Variants in TSEN54 observed in about 807,000 individuals in gnomAD.
TSEN54 encodes tRNA-splicing endonuclease subunit Sen54.
In TSEN54, 55 loss-of-function variants were observed where a neutral mutation model predicts 61.9. The ratio of observed to expected loss-of-function variants is 0.89; its 90% CI spans 0.72 to 1.11. TSEN54 has a LOEUF of 1.11. TSEN54 is among the 50% of genes most tolerant of loss of function. The pLI is 0.00. For missense variants in TSEN54, 760 were observed against 687.7 expected, an observed-to-expected ratio of 1.11 and a Z score of -1.18; for synonymous variants, 304 against 288.7, an observed-to-expected ratio of 1.05 and a Z score of -0.54.
intron 5 of TSEN54, 26 bp downstream of exon 5, chr17:75,517,681 G>T: frequency 6.3e-7 from 1 of 1,584,338 alleles, no homozygotes; most frequent in South Asian, 1.1e-5. Flanking sequence ...CCGCCTCCGG[G>T]AGCCACCCAT....
At chr17:75,518,743 A>G (rs2147009210) in intron 5 of TSEN54, 2 of 985,394 alleles carry the variant, frequency 2.0e-6, no homozygotes, top group Non-Finnish European at 2.4e-6. Flanking sequence ...TTTCATGGCT[A>G]TCAGTTTTTT....
At chr17:75,518,496 C>G (rs1483395054) in intron 5 of TSEN54, 1 of 983,834 alleles carries the variant, frequency 1.0e-6, no homozygotes, top group Non-Finnish European at 1.2e-6. Flanking sequence ...CTAAAGCCTG[C>G]TGAGATCAAG....
chr17:75,523,926 C>T, intron 10 of TSEN54, 147 bp downstream of exon 10: 2 of 939,912 alleles, frequency 2.1e-6, no homozygotes, highest in Non-Finnish European at 3.4e-6. Context: ...TACACAAGGC[C>T]ACACAGCCAG....
Position 75,520,710 on chromosome 17 carries a change from C to T in TSEN54, c.522-699C>T, listed in dbSNP as rs1408650349. ...GTGGCTCACACCTGTAATCCCAGCA[C>T]TTTAGGAGGCCGAGGCAGGTGGATC... is the stretch of plus-strand genomic sequence containing the variant. On this transcript the variant is annotated intron_variant, in intron 6 of 10. Coordinates refer to ENST00000333213, the MANE Select transcript of TSEN54 (RefSeq NM_207346.3). 2.6e-5 allele frequency among the ~76,000 whole-genome samples: 4 copies of T among 152,024 alleles called. No homozygotes were observed. The South Asian group carries it at 8.3e-4, about 31-fold the overall frequency.
rs781098742 is a variant in TSEN54 at position 75,516,751 on chromosome 17, G to A, written c.62G>A (p.Arg21Gln). 6.4e-7 allele frequency: 1 copy of A among 1,566,968 alleles called. No individual in the cohort carries two copies. The highest frequency in any genetic ancestry group is 8.6e-7 in the Non-Finnish European group (1 of 1,164,990). The change falls in exon 2 of 11, where the codon CGG becomes CAG. Residue 21 changes from arginine (R) to glutamine (Q), a missense_variant. Coordinates refer to ENST00000333213, the MANE Select transcript of TSEN54 (RefSeq NM_207346.3). ...CGCGTCCCCTTCTCCCCCAGCGCCC[G>A]GGAGCTCTTCGCCGCCCGCTCGCGG... ...EVPAGRVLSA[R>Q]ELFAARSRSQ...
In TSEN54 at chr17:75,522,349, G is replaced by A. The variant is rs530855001; in HGVS notation, c.1252+16G>A. The A allele has an allele frequency of 7.8e-6, 12 of 1,543,878 alleles. No individual in the cohort carries two copies. In the African/African-American group the frequency reaches 1.1e-4, roughly 14 times the overall value. The stretch of plus-strand genomic sequence containing the variant: ...AGCTCCCCAGGTACCCCCTCAGCCT[G>A]CCACATCTTCGAGGGCCACTGGCAG... On this transcript the variant is annotated intron_variant, in intron 8 of 10. Transcript: ENST00000333213.
intron 5 of TSEN54, chr17:75,518,536 C>G (rs1416360215): frequency 7.1e-6 from 7 of 985,278 alleles, no homozygotes; most frequent in African/African-American, 1.7e-5. Flanking sequence ...ATCTATGTTC[C>G]TCTGATATGA....
chr17:75,518,986 T>C lies in TSEN54; in HGVS notation c.469-9T>C, dbSNP rs758389675. ...CATCTGAGCTTTCATTTTTTTTTTT[T>C]CTTTTGAGGTCTTCAGCCACCTGAA... On this transcript the variant is annotated splice_polypyrimidine_tract_variant and intron_variant, in intron 5 of 10. Transcript: ENST00000333213. 3 of 1,613,830 alleles carry C rather than the reference T, an allele frequency of 1.9e-6. No homozygotes were observed. The highest frequency in any genetic ancestry group is 1.1e-5 in the South Asian group (1 of 91,066).
chr17:75,519,061 C>G lies in TSEN54; in HGVS notation c.521+14C>G, dbSNP rs372450713. On this transcript the variant is annotated intron_variant, in intron 6 of 10. Transcript: ENST00000333213. Reference sequence around the variant, plus strand: ...ATTCCAACCAAGGTAAATCCCCTTCCTGTTCCCCTTCCATATATTCTAGTC... The same window carrying G: ...ATTCCAACCAAGGTAAATCCCCTTCGTGTTCCCCTTCCATATATTCTAGTC... 5.0e-6 allele frequency: 8 copies of G among 1,613,822 alleles called. No individual in the cohort carries two copies. The highest frequency in any genetic ancestry group is 2.7e-5 in the African/African-American group (2 of 74,858).
chr17:75,519,081 C>T (rs781178873), intron 6 of TSEN54, 34 bp downstream of exon 6: 1 of 1,612,412 alleles, frequency 6.2e-7, no homozygotes, highest in Non-Finnish European at 8.5e-7. Flanking sequence ...TCCATATATT[C>T]TAGTCCTGGG....
chr17:75,523,884 A>G, intron 10 of TSEN54, 105 bp downstream of exon 10: 1 of 1,282,584 alleles, frequency 7.8e-7, no homozygotes. Context: ...AATCTCTGAG[A>G]GGAACAGGAG....
chr17:75,523,809 C>T (rs1247706675), intron 10 of TSEN54, 30 bp downstream of exon 10: 2 of 1,607,002 alleles, frequency 1.2e-6, no homozygotes, highest in East Asian at 2.2e-5. Context: ...TGCCCCTCCC[C>T]CAGCTGCTGC....
In TSEN54 at chr17:75,521,699, C is replaced by T; in HGVS notation, c.624-6C>T. 1 of 1,613,068 alleles carries T rather than the reference C, an allele frequency of 6.2e-7. No individual in the cohort carries two copies. Among genetic ancestry groups the T allele is most frequent in the Non-Finnish European group, 8.5e-7 (1 of 1,179,804 alleles). ...AGATGTGCTGCTTTTCCCCCACGTCCCTCAGGTCCATTAATAAGAAGGCCA... is the reference window on the plus strand; with the variant it reads ...AGATGTGCTGCTTTTCCCCCACGTCTCTCAGGTCCATTAATAAGAAGGCCA... On this transcript the variant is annotated splice_polypyrimidine_tract_variant and splice_region_variant and intron_variant, in intron 7 of 10. Coordinates refer to ENST00000333213, the MANE Select transcript of TSEN54 (RefSeq NM_207346.3).
intron 5 of TSEN54, 39 bp downstream of exon 5, chr17:75,517,694 A>G (rs2053388868): frequency 6.5e-7 from 1 of 1,541,710 alleles, no homozygotes; most frequent in African/African-American, 1.4e-5. Flanking sequence ...CCACCCATCC[A>G]CTGAATCAAT....
Position 75,523,771 on chromosome 17 carries a change from C to T in TSEN54, c.1422C>T (p.Cys474=). The T allele has an allele frequency of 2.5e-6, 4 of 1,613,782 alleles. No individual in the cohort carries two copies. Among genetic ancestry groups the T allele is most frequent in the Non-Finnish European group, 3.4e-6 (4 of 1,179,826 alleles). ...NNPGKPYARM[C]ISGFDEPVPD... ...CTGGCAAACCCTATGCCCGGATGTG[C>T]ATTAGTGGGTACGCAGTGAGCCAGC... Residue 474 remains cysteine (C), a synonymous_variant, in exon 10 of 11, where the codon TGC becomes TGT. Transcript: ENST00000333213.
At position 75,522,100 on chromosome 17, in the gene TSEN54, A is replaced by T; in HGVS notation, c.1019A>T (p.Lys340Met). 6.3e-7 allele frequency: 1 copy of T among 1,582,340 alleles called. No individual in the cohort carries two copies. The change falls in exon 8 of 11, where the codon AAG becomes ATG. Residue 340 changes from lysine (K) to methionine (M), a missense_variant. Coordinates refer to ENST00000333213, the MANE Select transcript of TSEN54 (RefSeq NM_207346.3). ...RETDAESWCQ[K>M]LNQRKEKLSR... The stretch of plus-strand genomic sequence containing the variant: ...ACAGACGCTGAGTCCTGGTGCCAGA[A>T]GCTGAACCAGCGCAAGGAGAAGCTC...
intron 8 of TSEN54, 79 bp from the exon 9 acceptor site, chr17:75,523,196 A>G: frequency 6.2e-7 from 1 of 1,605,338 alleles, no homozygotes; most frequent in Non-Finnish European, 8.5e-7. Context: ...AAGTTGCTAA[A>G]TCTGGCCGTC....
At chr17:75,517,296 G>A (rs1476060030) in intron 4 of TSEN54, 52 bp downstream of exon 4, 1 of 1,548,350 alleles carries the variant, frequency 6.5e-7, no homozygotes, top group South Asian at 1.2e-5. Context: ...GAACGGGAAG[G>A]ACACGTTTTA....
At chr17:75,524,065 T>G (rs534140921) in intron 10 of TSEN54, among the ~76,000 whole-genome samples, 197 bp from the exon 11 acceptor site, 13 of 152,308 alleles carry the variant, frequency 8.5e-5, no homozygotes, top group African/African-American at 3.1e-4. Flanking sequence ...CTAAGAGTGG[T>G]GAGCACCTTG....
Sources: allele counts gnomAD v4.1 joint callset (sites outside exome capture counted in the v4.1 genomes callset), GRCh38; gene constraint gnomAD v4.1.1; transcripts MANE v1.5; gene names NCBI Gene and HGNC (gene_info 2026-07-23, HGNC 2026-07-21).